Variants in GRM8 observed in about 807,000 individuals in gnomAD.
GRM8 encodes the protein glutamate metabotropic receptor 8.
Under a neutral mutation model 87.2 loss-of-function variants are expected in GRM8, and 47 were observed. The ratio of observed to expected loss-of-function variants is 0.54; its 90% CI spans 0.43 to 0.69. The LOEUF (loss-of-function observed/expected upper bound fraction) is 0.69, where lower values mean the gene tolerates loss of function less well. Ranked by LOEUF, GRM8 falls within the 30% of genes least tolerant of loss-of-function variation. The pLI is 0.00. For missense variants in GRM8, 1,019 were observed against 1,139.2 expected, an observed-to-expected ratio of 0.89 and a Z score of 1.52; for synonymous variants, 396 against 404.5, an observed-to-expected ratio of 0.98 and a Z score of 0.25.
chr7:126,661,499 C>T (rs1036508633), intron 7 of GRM8, among the ~76,000 whole-genome samples: 9 of 152,132 alleles, frequency 5.9e-5, no homozygotes, highest in African/African-American at 2.2e-4. Context: ...CTAAACCCAG[C>T]CCTGGGACCC....
intron 3 of GRM8, among the ~76,000 whole-genome samples, chr7:127,028,809 G>T (rs1366907189): frequency 6.6e-6 from 1 of 151,492 alleles, no homozygotes; most frequent in Non-Finnish European, 1.5e-5. Flanking sequence ...TTTTTGAAGG[G>T]TTTTTTTTGT....
intron 3 of GRM8, chr7:127,076,230 G>A: frequency 2.2e-6 from 1 of 456,296 alleles, no homozygotes; most frequent in Non-Finnish European, 4.4e-6. Flanking sequence ...AAACAGGGAT[G>A]GATAACCTGA....
At chr7:126,752,472 A>T (rs917413058) in intron 7 of GRM8, among the ~76,000 whole-genome samples, 1 of 152,120 alleles carries the variant, frequency 6.6e-6, no homozygotes, top group Non-Finnish European at 1.5e-5. Flanking sequence ...AACTTCAAGG[A>T]AACACTTTAA....
intron 2 of GRM8, among the ~76,000 whole-genome samples, chr7:127,163,403 GCTCCTGCCTGGCAGAACT>G (rs1793239784): frequency 6.6e-6 from 1 of 152,214 alleles, no homozygotes; most frequent in Non-Finnish European, 1.5e-5. Context: ...GAAGGCCACA[GCTCCTGCCTGGCAGAACT>G]CTCCTACAAA....
At position 126,589,695 on chromosome 7, in the gene GRM8, T is replaced by C. The variant is rs141070339; in HGVS notation, c.1494+19667A>G. ...ACAAAACTAGTGCAATAAACAACAATAATACAACTACGGGCCCTCACAGAA... is the reference window on the plus strand; with the variant it reads ...ACAAAACTAGTGCAATAAACAACAACAATACAACTACGGGCCCTCACAGAA... On this transcript the variant is annotated intron_variant, in intron 8 of 10. Coordinates refer to ENST00000339582, the MANE Select transcript of GRM8 (RefSeq NM_000845.3). Among the ~76,000 whole-genome samples the C allele has an allele frequency of 2.5e-3, 382 of 152,148 alleles. 1 individual carries two copies. The highest frequency in any genetic ancestry group is 8.7e-3 in the African/African-American group (363 of 41,510).
intron 2 of GRM8, among the ~76,000 whole-genome samples, chr7:127,207,952 C>T (rs1796004531): frequency 6.6e-6 from 1 of 152,118 alleles, no homozygotes; most frequent in African/African-American, 2.4e-5. Flanking sequence ...GCAGTTAAAC[C>T]AGCACCGGCC....
At chr7:126,715,752 A>G (rs909531907) in intron 7 of GRM8, among the ~76,000 whole-genome samples, 3 of 152,146 alleles carry the variant, frequency 2.0e-5, no homozygotes, top group Non-Finnish European at 4.4e-5. Flanking sequence ...TCCAACACCA[A>G]TATTCAAATA....
chr7:127,040,080 G>T (rs4728061), intron 3 of GRM8, among the ~76,000 whole-genome samples: 2 of 1,682 alleles, frequency 1.2e-3, no homozygotes, highest in Non-Finnish European at 1.1e-3. Context: ...GATGGGTGGG[G>T]GAGGAGGGAG....
chr7:126,905,232 A>G (rs530470651), intron 3 of GRM8, among the ~76,000 whole-genome samples: 2 of 152,352 alleles, frequency 1.3e-5, no homozygotes, highest in South Asian at 4.1e-4. Flanking sequence ...GACACAGGCA[A>G]ACCCCAAAGA....
chr7:127,098,901 A>G (rs577187054), intron 3 of GRM8, among the ~76,000 whole-genome samples: 404 of 152,330 alleles, frequency 2.7e-3, no homozygotes, highest in African/African-American at 8.9e-3. Flanking sequence ...ATGACTGATT[A>G]AAGAAGGTGT....
chr7:126,826,447 G>T (rs1370820907), intron 6 of GRM8, among the ~76,000 whole-genome samples: 5 of 152,306 alleles, frequency 3.3e-5, no homozygotes, highest in African/African-American at 1.2e-4. Flanking sequence ...TTGTGGTTTT[G>T]ATTTGCGTTT....
chr7:126,584,269 A>AG (rs1370145537), intron 8 of GRM8, among the ~76,000 whole-genome samples: 5 of 151,562 alleles, frequency 3.3e-5, no homozygotes, highest in Non-Finnish European at 2.9e-5. Flanking sequence ...ACCATAACCC[A>AG]GGCTGGAGTG....
chr7:126,731,250 T>G (rs1470821456), intron 7 of GRM8, among the ~76,000 whole-genome samples: 1 of 152,140 alleles, frequency 6.6e-6, no homozygotes, highest in African/African-American at 2.4e-5. Context: ...CCCTGGCCAC[T>G]CTCAGGAGGA....
chr7:126,785,146 T>C (rs1427979042), intron 6 of GRM8, among the ~76,000 whole-genome samples: 1 of 152,144 alleles, frequency 6.6e-6, no homozygotes, highest in Non-Finnish European at 1.5e-5. Context: ...CCTCAGCCTC[T>C]CAAGTAACTA....
chr7:126,603,042 C>G (rs1797977289), intron 8 of GRM8, among the ~76,000 whole-genome samples: 2 of 148,114 alleles, frequency 1.4e-5, no homozygotes, highest in Non-Finnish European at 1.5e-5. Flanking sequence ...CCACCATGAT[C>G]AAGTTGGCTT....
At chr7:126,802,500 G>A (rs543217221) in intron 6 of GRM8, among the ~76,000 whole-genome samples, 9 of 152,172 alleles carry the variant, frequency 5.9e-5, no homozygotes, top group African/African-American at 1.9e-4. Flanking sequence ...TAAAGAAAAC[G>A]TGGCATATAT....
At chr7:127,049,685 G>T (rs1421025051) in intron 3 of GRM8, among the ~76,000 whole-genome samples, 1 of 152,126 alleles carries the variant, frequency 6.6e-6, no homozygotes, top group Non-Finnish European at 1.5e-5. Flanking sequence ...ATGAGAAGGA[G>T]GGAAGATGTA....
chr7:127,025,542 T>G (rs1816696329), intron 3 of GRM8, among the ~76,000 whole-genome samples: 1 of 152,138 alleles, frequency 6.6e-6, no homozygotes, highest in African/African-American at 2.4e-5. Flanking sequence ...ATTTGTTCAT[T>G]TATTCACATG....
chr7:126,549,124 C>T (rs892062977), intron 8 of GRM8, among the ~76,000 whole-genome samples: 2 of 151,914 alleles, frequency 1.3e-5, no homozygotes, highest in African/African-American at 4.8e-5. Context: ...GAAAACAATA[C>T]AGACATGGAA....
Sources: gnomAD v4.1 joint callset for allele counts (sites outside exome capture counted in the v4.1 genomes callset) on GRCh38, gnomAD v4.1.1 for gene constraint, MANE v1.5 for transcripts, NCBI Gene and HGNC (gene_info 2026-07-23, HGNC 2026-07-21) for gene names.